The following TRAPPC9 variants were observed in gnomAD, a reference collection of about 807,000 sequenced individuals.
The protein encoded by TRAPPC9 is IKK2 binding protein.
A neutral mutation model predicts 124.0 loss-of-function variants in TRAPPC9; 83 were observed. The ratio of observed to expected loss-of-function variants is 0.67; its 90% CI spans 0.56 to 0.80. The LOEUF (loss-of-function observed/expected upper bound fraction) is 0.80. Among genes scored for constraint, TRAPPC9 ranks in the 30% least tolerant of loss-of-function variants. The pLI, the probability that TRAPPC9 is intolerant of heterozygous loss-of-function variation, is 0.00. For missense variants in TRAPPC9, 1,302 were observed against 1,508.3 expected (o/e 0.86, Z 2.27); for synonymous variants, 638 against 617.5 (o/e 1.03, Z -0.49).
chr8:139,818,729 T>C (rs1825038120), intron 21 of TRAPPC9, among the ~76,000 whole-genome samples: 1 of 152,236 alleles, frequency 6.6e-6, no homozygotes, highest in Non-Finnish European at 1.5e-5. Context: ...GTTACCAATG[T>C]GATGTTAACT....
At chr8:140,422,732 C>T (rs143427975) in intron 5 of TRAPPC9, among the ~76,000 whole-genome samples, 1,514 of 136,472 alleles carry the variant, frequency 0.011, 28 homozygotes, top group African/African-American at 0.039. Flanking sequence ...CCAGCCTGGG[C>T]GACAAAGCAA....
At position 140,405,771 on chromosome 8, in the gene TRAPPC9, G is replaced by A. The variant is rs578029964; in HGVS notation, c.887-73C>T. On this transcript the variant is annotated intron_variant, in intron 5 of 22. Transcript: ENST00000438773. ...TTATTTCTTTGTTAAAGAGGAGCAT[G>A]AATAAGACAAAACTTAAATATGCCC... The A allele has an allele frequency of 3.5e-5, 55 of 1,575,114 alleles. No homozygotes were observed. The Admixed American group carries it at 7.4e-4, about 21-fold the overall frequency.
At chr8:140,406,413 C>T (rs2069490441) in intron 5 of TRAPPC9, among the ~76,000 whole-genome samples, 1 of 152,180 alleles carries the variant, frequency 6.6e-6, no homozygotes. Context: ...AGAGAGTGAG[C>T]ATCTCCCACA....
At position 140,268,637 on chromosome 8, in the gene TRAPPC9, C is replaced by T. The variant is rs111835324; in HGVS notation, c.2278+7021G>A. 8.2e-3 allele frequency among the ~76,000 whole-genome samples: 1,246 copies of T among 152,182 alleles called. 20 individuals carry two copies. Among genetic ancestry groups the T allele is most frequent in the African/African-American group, 0.029 (1,188 of 41,498 alleles). ...GGCTCCTCGTGCAGCTGACCTGTGACCTGAGGCTGGCCACCCACCTCTTCT... is the reference window on the plus strand; with the variant it reads ...GGCTCCTCGTGCAGCTGACCTGTGATCTGAGGCTGGCCACCCACCTCTTCT... On this transcript the variant is annotated intron_variant, in intron 15 of 22. Coordinates refer to ENST00000438773, the MANE Select transcript of TRAPPC9 (RefSeq NM_001160372.4).
intron 9 of TRAPPC9, among the ~76,000 whole-genome samples, chr8:140,341,663 T>G (rs1487701950): frequency 1.3e-5 from 2 of 151,272 alleles, no homozygotes; most frequent in Admixed American, 1.3e-4. Context: ...TGATAAGCAT[T>G]GTTATATACG....
intron 21 of TRAPPC9, among the ~76,000 whole-genome samples, chr8:139,741,304 TC>T: frequency 6.6e-6 from 1 of 152,298 alleles, no homozygotes; most frequent in Admixed American, 6.5e-5. Flanking sequence ...GGCTCAGCGC[TC>T]TGTAGGTATC....
chr8:139,969,103 C>G (rs1835899149), intron 19 of TRAPPC9, among the ~76,000 whole-genome samples: 1 of 152,262 alleles, frequency 6.6e-6, no homozygotes, highest in Non-Finnish European at 1.5e-5. Flanking sequence ...TCGTGCATGT[C>G]TAACGCAGCC....
rs182811960 is a variant in TRAPPC9 at position 140,364,136 on chromosome 8, C to T, written c.1352-3943G>A. Among the ~76,000 whole-genome samples the T allele has an allele frequency of 1.5e-3, 234 of 151,964 alleles. 1 individual carries two copies. Among genetic ancestry groups the T allele is most frequent in the African/African-American group, 5.5e-3 (227 of 41,454 alleles). The stretch of plus-strand genomic sequence containing the variant: ...TGTCCCCGAAGGAGGCAAGAGGCAT[C>T]AGAAGACCTCAGACTGATGCAGTCT... On this transcript the variant is annotated intron_variant, in intron 8 of 22. Coordinates refer to ENST00000438773, the MANE Select transcript of TRAPPC9 (RefSeq NM_001160372.4).
intron 7 of TRAPPC9, among the ~76,000 whole-genome samples, chr8:140,372,803 G>A (rs1363569587): frequency 6.6e-6 from 1 of 152,170 alleles, no homozygotes; most frequent in African/African-American, 2.4e-5. Flanking sequence ...GCTGGCACCT[G>A]GATCATGGAC....
chr8:140,064,199 C>T (rs77219879), intron 17 of TRAPPC9, among the ~76,000 whole-genome samples: 1 of 152,266 alleles, frequency 6.6e-6, no homozygotes, highest in East Asian at 1.9e-4. Context: ...CCACATGACC[C>T]TTTCCTGGAA....
chr8:139,886,066 C>T (rs570827347), intron 20 of TRAPPC9, 97 bp from the exon 21 acceptor site: 7 of 1,147,884 alleles, frequency 6.1e-6, no homozygotes, highest in Middle Eastern at 3.8e-4. Context: ...GGGAAACCTC[C>T]TACAGCAGAT....
At chr8:140,384,413 C>A (rs560113272) in intron 7 of TRAPPC9, among the ~76,000 whole-genome samples, 1 of 152,114 alleles carries the variant, frequency 6.6e-6, no homozygotes, top group Non-Finnish European at 1.5e-5. Context: ...ATTCAGGAAA[C>A]CCATCTCACA....
In TRAPPC9 at chr8:139,965,802, G is replaced by A. The variant is rs150291830; in HGVS notation, c.2810+22924C>T. On this transcript the variant is annotated intron_variant, in intron 19 of 22. Coordinates refer to ENST00000438773, the MANE Select transcript of TRAPPC9 (RefSeq NM_001160372.4). ...CTCCATGTTGAGCAGAGTTGGCTACGTGCTGAATGTGGAACAGGTTCACTG... is the reference window on the plus strand; with the variant it reads ...CTCCATGTTGAGCAGAGTTGGCTACATGCTGAATGTGGAACAGGTTCACTG... 5.1e-3 allele frequency among the ~76,000 whole-genome samples: 304 copies of A among 59,856 alleles called. 1 individual carries two copies. Among genetic ancestry groups the A allele is most frequent in the Non-Finnish European group, 0.013 (251 of 19,792 alleles). The allele number at this position is 59,856 out of a possible 152,430, so 39.3% of individuals were successfully genotyped here. A position where few individuals can be genotyped will look rare whatever the true frequency, so the allele number is the denominator to read the frequency against.
intron 17 of TRAPPC9, among the ~76,000 whole-genome samples, chr8:140,065,667 G>A (rs1842864099): frequency 6.6e-6 from 1 of 152,228 alleles, no homozygotes. Flanking sequence ...CAGCGCATCT[G>A]TTTATAGCAT....
At chr8:140,127,408 C>T (rs192149336) in intron 17 of TRAPPC9, among the ~76,000 whole-genome samples, 1 of 152,336 alleles carries the variant, frequency 6.6e-6, no homozygotes, top group African/African-American at 2.4e-5. Context: ...TTTAATCATA[C>T]ATCATACCCT....
chr8:140,011,670 ATT>A (rs56884853), intron 18 of TRAPPC9, among the ~76,000 whole-genome samples: 14,637 of 61,838 alleles, frequency 0.24, 1,653 homozygotes, highest in East Asian at 0.32. Context: ...CACCCAGCTA[ATT>A]TTTTTTTTTT....
intron 17 of TRAPPC9, among the ~76,000 whole-genome samples, chr8:140,196,678 A>G (rs532980821): frequency 2.6e-4 from 39 of 151,104 alleles, no homozygotes; most frequent in Non-Finnish European, 4.1e-4. Flanking sequence ...CACACTCAAC[A>G]ATCCACTGTA....
intron 5 of TRAPPC9, among the ~76,000 whole-genome samples, chr8:140,421,839 CTT>C (rs1405374577): frequency 6.6e-6 from 1 of 152,008 alleles, no homozygotes; most frequent in Non-Finnish European, 1.5e-5. Context: ...CCTTAAATGA[CTT>C]TGTTAGCTCA....
chr8:140,272,155 A>ATG (rs2064937832), intron 15 of TRAPPC9, among the ~76,000 whole-genome samples: 2 of 41,288 alleles, frequency 4.8e-5, no homozygotes, highest in African/African-American at 2.8e-4. Flanking sequence ...TGGTGGTAGC[A>ATG]GTGATGGCAG....
Sources: allele counts gnomAD v4.1 joint callset (sites outside exome capture counted in the v4.1 genomes callset), GRCh38; gene constraint gnomAD v4.1.1; transcripts MANE v1.5; gene names NCBI Gene and HGNC (gene_info 2026-07-23, HGNC 2026-07-21).